Variants in XDH observed in about 807,000 individuals in gnomAD.
XDH encodes the protein xanthine dehydrogenase.
In XDH, 138 loss-of-function variants were observed where a neutral mutation model predicts 156.1. The observed-to-expected ratio is 0.88, with a 90% CI of 0.77 to 1.02. XDH has a LOEUF of 1.02. XDH is among the 50% of genes least tolerant of loss of function. The probability of loss-of-function intolerance (pLI) is 0.00; values close to 1 mark genes in which losing one functional copy is unlikely to be tolerated. For synonymous variants in XDH, 669 were observed against 625.7 expected (o/e 1.07, Z -1.03); for missense variants, 1,849 against 1,684.9 (o/e 1.10, Z -1.71).
intron 24 of XDH, among the ~76,000 whole-genome samples, chr2:31,354,240 A>T (rs1401999527): frequency 6.6e-6 from 1 of 152,244 alleles, no homozygotes; most frequent in East Asian, 1.9e-4. Context: ...GGCATCCACC[A>T]CTGCTAGAGC....
chr2:31,379,447 A>C (rs1686370965), intron 13 of XDH, among the ~76,000 whole-genome samples: 1 of 152,164 alleles, frequency 6.6e-6, no homozygotes, highest in African/African-American at 2.4e-5. Flanking sequence ...CGACAGCTAG[A>C]TGTGTTCTTG....
In XDH at chr2:31,405,872, C is replaced by T. The variant is rs773028522; in HGVS notation, c.100+35G>A. 4 of 1,612,900 alleles carry T rather than the reference C, an allele frequency of 2.5e-6. No individual in the cohort carries two copies. The African/African-American group carries it at 4.0e-5, about 16-fold the overall frequency. ...CTACAGAATCAGTCACCATTGCCCC[C>T]CTTCTCCGTCACTCCCACTCCAAAG... On this transcript the variant is annotated intron_variant, in intron 2 of 35. Coordinates refer to ENST00000379416, the MANE Select transcript of XDH (RefSeq NM_000379.4).
At chr2:31,370,510 C>T in intron 17 of XDH, 32 bp from the exon 18 acceptor site, 1 of 1,613,450 alleles carries the variant, frequency 6.2e-7, no homozygotes, top group Middle Eastern at 1.7e-4. Context: ...GGGGCCAGGT[C>T]AGCAAGCTGG....
chr2:31,409,337 T>C lies in XDH; in HGVS notation c.43-3373A>G, dbSNP rs115622545. Among the ~76,000 whole-genome samples, 949 of 152,228 alleles carry C rather than the reference T, an allele frequency of 6.2e-3. 12 individuals carry two copies. The highest frequency in any genetic ancestry group is 0.022 in the African/African-American group (924 of 41,542). On this transcript the variant is annotated intron_variant, in intron 1 of 35. Coordinates refer to ENST00000379416, the MANE Select transcript of XDH (RefSeq NM_000379.4). ...AAGGATAAATGCTTGAGGAGATGAA[T>C]ACCACATTTTCTATCATGTAATTAT...
intron 30 of XDH, among the ~76,000 whole-genome samples, chr2:31,346,053 T>C (rs538285973): frequency 6.6e-6 from 1 of 152,322 alleles, no homozygotes; most frequent in South Asian, 2.1e-4. Flanking sequence ...AGATTTCTAG[T>C]GAGCCGGTTT....
rs768825865 is a variant in XDH, at chr2:31,342,201, G to T, written c.3501C>A (p.Cys1167Ter). ...GVACSEVEID[C>*]LTGDHKNLRT... ...TTCTTACCTTATGATCTCCTGTTAGGCAGTCGATTTCTACTTCAGAGCAAG... is the reference window on the plus strand; with the variant it reads ...TTCTTACCTTATGATCTCCTGTTAGTCAGTCGATTTCTACTTCAGAGCAAG... Residue 1167 changes from cysteine (C) to a stop codon, truncating the protein, a stop_gained, in exon 32 of 36, where the codon TGC becomes TGA. Coordinates refer to ENST00000379416, the MANE Select transcript of XDH (RefSeq NM_000379.4). LOFTEE classifies it high-confidence loss of function. The T allele has an allele frequency of 3.1e-6, 5 of 1,613,892 alleles. No homozygotes were observed. The highest frequency in any genetic ancestry group is 4.2e-6 in the Non-Finnish European group (5 of 1,179,978).
At chr2:31,390,612 T>C (rs1686736202) in intron 6 of XDH, among the ~76,000 whole-genome samples, 1 of 152,200 alleles carries the variant, frequency 6.6e-6, no homozygotes, top group Non-Finnish European at 1.5e-5. Context: ...GGTTGTGCAG[T>C]TTGCATTCTC....
intron 16 of XDH, among the ~76,000 whole-genome samples, chr2:31,373,396 TG>T (rs2148773055): frequency 6.6e-6 from 1 of 152,354 alleles, no homozygotes; most frequent in African/African-American, 2.4e-5. Flanking sequence ...GTTTTTCCTG[TG>T]GCTGCTTTTG....
intron 16 of XDH, among the ~76,000 whole-genome samples, chr2:31,373,132 C>T (rs1686123273): frequency 6.6e-6 from 1 of 152,054 alleles, no homozygotes; most frequent in African/African-American, 2.4e-5. Context: ...TGTGATTATC[C>T]ACATTTGCAG....
At chr2:31,364,572 G>A (rs574392811) in intron 23 of XDH, among the ~76,000 whole-genome samples, 31 of 152,048 alleles carry the variant, frequency 2.0e-4, no homozygotes, top group South Asian at 6.3e-4. Flanking sequence ...ACGATAGGGC[G>A]GGGGGGAAGC....
intron 22 of XDH, among the ~76,000 whole-genome samples, 198 bp downstream of exon 22, chr2:31,365,778 A>T (rs1685898551): frequency 6.6e-6 from 1 of 152,204 alleles, no homozygotes; most frequent in South Asian, 2.1e-4. Context: ...TCAGAGGTGG[A>T]TACCTGTGCC....
At chr2:31,354,823 G>C (rs1289557125) in intron 24 of XDH, among the ~76,000 whole-genome samples, 1 of 152,146 alleles carries the variant, frequency 6.6e-6, no homozygotes, top group African/African-American at 2.4e-5. Context: ...TCATGCCATT[G>C]GAGATCTGGA....
intron 16 of XDH, among the ~76,000 whole-genome samples, chr2:31,372,719 T>C (rs867346031): frequency 1.3e-5 from 2 of 152,158 alleles, no homozygotes; most frequent in Admixed American, 6.5e-5. Flanking sequence ...GAACTTTAAT[T>C]AGAAGGATTG....
chr2:31,367,995 C>T lies in XDH; in HGVS notation c.2163G>A (p.Lys721=). 6.2e-7 allele frequency: 1 copy of T among 1,614,158 alleles called. No homozygotes were observed. The highest frequency in any genetic ancestry group is 1.7e-5 in the Admixed American group (1 of 60,022). ...CATTATCTGCTTCGGAAAACCCCTT[C>T]TTTAGGTCCCCTTTCTCGATCTTCA... ...PELKIEKGDL[K]KGFSEADNVV... is the part of the protein sequence containing the mutation. Residue 721 remains lysine (K), a synonymous_variant, in exon 20 of 36, where the codon AAG becomes AAA. Coordinates refer to ENST00000379416, the MANE Select transcript of XDH (RefSeq NM_000379.4).
intron 24 of XDH, among the ~76,000 whole-genome samples, chr2:31,355,620 A>C (rs1244360658): frequency 6.6e-6 from 1 of 152,130 alleles, no homozygotes; most frequent in African/African-American, 2.4e-5. Context: ...ATGACTAAGA[A>C]AGCTATGTAA....
chr2:31,390,324 C>G (rs1234661185), intron 6 of XDH, among the ~76,000 whole-genome samples: 1 of 152,196 alleles, frequency 6.6e-6, no homozygotes, highest in African/African-American at 2.4e-5. Context: ...TAAGGTTTGT[C>G]TATGTCTTTT....
chr2:31,366,367 G>A (rs1685915537), intron 21 of XDH, among the ~76,000 whole-genome samples: 1 of 152,194 alleles, frequency 6.6e-6, no homozygotes. Context: ...CAGGTGACCA[G>A]CGACTGGTAG....
Position 31,362,706 on chromosome 2 carries a change from T to C in XDH, c.2631+1452A>G, listed in dbSNP as rs1685807812. ...TTTTATTTAAACAATTGTAGAATAT[T>C]AGTAATAATAAAGCCCAGCTCTCCC... On this transcript the variant is annotated intron_variant, in intron 24 of 35. Coordinates refer to ENST00000379416, the MANE Select transcript of XDH (RefSeq NM_000379.4). 2.0e-5 allele frequency among the ~76,000 whole-genome samples: 3 copies of C among 152,188 alleles called. No homozygotes were observed. In the South Asian group the frequency reaches 6.2e-4, roughly 31 times the overall value.
At chr2:31,373,384 C>T (rs1686130999) in intron 16 of XDH, among the ~76,000 whole-genome samples, 1 of 152,168 alleles carries the variant, frequency 6.6e-6, no homozygotes, top group African/African-American at 2.4e-5. Flanking sequence ...TCATTCATTC[C>T]TGTTTTTCCT....
Sources: allele counts gnomAD v4.1 joint callset (sites outside exome capture counted in the v4.1 genomes callset), GRCh38; gene constraint gnomAD v4.1.1; transcripts MANE v1.5; gene names NCBI Gene and HGNC (gene_info 2026-07-23, HGNC 2026-07-21).